NEMP1: variants seen among roughly 807,000 people sequenced by gnomAD.
The protein encoded by NEMP1 is transmembrane protein 194.
In NEMP1, 29 loss-of-function variants were observed where a neutral mutation model predicts 53.7. That is an observed-to-expected ratio of 0.54 (90% CI 0.40 to 0.74). The LOEUF (loss-of-function observed/expected upper bound fraction) is 0.74, where lower values mean the gene tolerates loss of function less well. Among genes scored for constraint, NEMP1 ranks in the 30% least tolerant of loss-of-function variants. NEMP1 has a pLI of 0.00. For synonymous variants in NEMP1, 193 were observed against 192.9 expected, an observed-to-expected ratio of 1.00 and a Z score of 0.00; for missense variants, 477 against 528.6, an observed-to-expected ratio of 0.90 and a Z score of 0.96.
Position 57,063,321 on chromosome 12 carries a change from T to C in NEMP1, c.778A>G (p.Met260Val). Residue 260 changes from methionine (M) to valine (V), a missense_variant, in exon 7 of 9, where the codon ATG becomes GTG. By Grantham distance (21) the Met-to-Val change is conservative. Coordinates refer to ENST00000300128, the MANE Select transcript of NEMP1 (RefSeq NM_001130963.2). ...LLSYVLTVGF[M>V]SFAVCYKYGP... is the part of the protein sequence containing the mutation. ...TACTTGTAACATACTGCAAAACTCATGAATCCAACTGTGAGGACATAACCT... is the reference window on the plus strand; with the variant it reads ...TACTTGTAACATACTGCAAAACTCACGAATCCAACTGTGAGGACATAACCT... 1 of 1,614,166 alleles carries C rather than the reference T, an allele frequency of 6.2e-7. No homozygotes were observed. The highest frequency in any genetic ancestry group is 8.5e-7 in the Non-Finnish European group (1 of 1,180,000).
At chr12:57,073,972 T>G (rs893125679) in intron 1 of NEMP1, among the ~76,000 whole-genome samples, 7 of 150,686 alleles carry the variant, frequency 4.6e-5, no homozygotes, top group Non-Finnish European at 1.0e-4. Flanking sequence ...TATTTTATTT[T>G]TTTATTTTTT....
chr12:57,084,154 G>A (rs2032927639), intron 1 of NEMP1, among the ~76,000 whole-genome samples: 1 of 152,176 alleles, frequency 6.6e-6, no homozygotes, highest in African/African-American at 2.4e-5. Flanking sequence ...GTAGAGACGG[G>A]GTTTCGCTAT....
rs2031510317 is a variant in NEMP1 at position 57,056,093 on chromosome 12, T to TCCAAAGC, written c.*3779_*3785dup. On this transcript the variant is annotated 3_prime_UTR_variant, in exon 9 of 9. Coordinates refer to ENST00000300128, the MANE Select transcript of NEMP1 (RefSeq NM_001130963.2). ...ACACACACGTGGGATGGTGTGGAAA[T>TCCAAAGC]CCAAAGCCCCACATTTTGGGAGTCT... 6.6e-6 allele frequency: 1 copy of TCCAAAGC among 152,180 alleles called. No homozygotes were observed. The highest frequency in any genetic ancestry group is 2.1e-4 in the South Asian group (1 of 4,830). 9.4% of individuals were successfully genotyped at this position (152,180 alleles called of 1,614,324 possible). A position where few individuals can be genotyped will look rare whatever the true frequency, so the allele number is the denominator to read the frequency against.
intron 1 of NEMP1, among the ~76,000 whole-genome samples, chr12:57,085,340 G>GGCCACT (rs1427939431): frequency 6.6e-6 from 1 of 151,962 alleles, no homozygotes; most frequent in African/African-American, 2.4e-5. Flanking sequence ...CCACCGCCCT[G>GGCCACT]GCCACTCCTG....
At chr12:57,065,092 A>AT (rs1028885893) in intron 4 of NEMP1, among the ~76,000 whole-genome samples, 16 of 152,100 alleles carry the variant, frequency 1.1e-4, no homozygotes, top group East Asian at 7.7e-4. Context: ...GTGAGTCATC[A>AT]TTTTTTTTGC....
At chr12:57,061,997 C>T (rs909636258) in intron 7 of NEMP1, among the ~76,000 whole-genome samples, 1 of 147,302 alleles carries the variant, frequency 6.8e-6, no homozygotes, top group Non-Finnish European at 1.5e-5. Context: ...GACTCCATCT[C>T]AAAAAAAAAA....
At chr12:57,077,225 G>C (rs1046576973) in intron 1 of NEMP1, among the ~76,000 whole-genome samples, 62 of 149,324 alleles carry the variant, frequency 4.2e-4, no homozygotes, top group Non-Finnish European at 3.9e-4. Context: ...CCAGCTACTC[G>C]GGAGGCTGAG....
At chr12:57,076,679 C>G (rs912557725) in intron 1 of NEMP1, among the ~76,000 whole-genome samples, 8 of 152,176 alleles carry the variant, frequency 5.3e-5, no homozygotes, top group Non-Finnish European at 1.0e-4. Flanking sequence ...TGGTGGCATG[C>G]GCCTATAATC....
At position 57,059,863 on chromosome 12, in the gene NEMP1, G is replaced by A. The variant is rs2031709841; in HGVS notation, c.*16C>T. On this transcript the variant is annotated 3_prime_UTR_variant, in exon 9 of 9. Transcript: ENST00000300128. The stretch of plus-strand genomic sequence containing the variant: ...AAGGCACCAAGCCAGTCCACGTAAA[G>A]ATAACTGACCACTACCTAGGTTAGA... 6.2e-7 allele frequency: 1 copy of A among 1,610,326 alleles called. No homozygotes were observed. The highest frequency in any genetic ancestry group is 8.5e-7 in the Non-Finnish European group (1 of 1,178,224).
At chr12:57,062,373 G>A (rs1227656961) in intron 7 of NEMP1, among the ~76,000 whole-genome samples, 2 of 151,986 alleles carry the variant, frequency 1.3e-5, no homozygotes, top group East Asian at 1.9e-4. Flanking sequence ...CCAACTATTC[G>A]GGAGGCTGAG....
chr12:57,078,581 G>GGCACT (rs767209443), intron 1 of NEMP1, 38 bp downstream of exon 1: 1 of 1,583,950 alleles, frequency 6.3e-7, no homozygotes, highest in Admixed American at 1.8e-5. Context: ...TAACCCCCTC[G>GGCACT]GCACCTGCCC....
At position 57,056,667 on chromosome 12, in the gene NEMP1, A is replaced by G. The variant is rs1300124773; in HGVS notation, c.*3212T>C. The stretch of plus-strand genomic sequence containing the variant: ...TTTACGTAGGCATCCATCTGAGCCC[A>G]TCTTGTTTTTTTTTTCTAAAACAAC... On this transcript the variant is annotated 3_prime_UTR_variant, in exon 9 of 9. Coordinates refer to ENST00000300128, the MANE Select transcript of NEMP1 (RefSeq NM_001130963.2). 1 of 151,876 alleles carries G rather than the reference A, an allele frequency of 6.6e-6. No individual in the cohort carries two copies. The highest frequency in any genetic ancestry group is 1.5e-5 in the Non-Finnish European group (1 of 67,954). The allele number at this position is 151,876 out of a possible 1,614,324, so 9.4% of individuals were successfully genotyped here. A position where few individuals can be genotyped will look rare whatever the true frequency, so the allele number is the denominator to read the frequency against.
rs549413707 is a variant in NEMP1 at position 57,067,539 on chromosome 12, T to C, written c.545+1695A>G. On this transcript the variant is annotated intron_variant, in intron 4 of 8. Transcript: ENST00000300128. ...GGGAAAACGGTGTGATAGATTTGCT[T>C]GACCCAGGGTTGCCACGAACCTTCA... is the stretch of plus-strand genomic sequence containing the variant. Among the ~76,000 whole-genome samples, 263 of 152,296 alleles carry C rather than the reference T, an allele frequency of 1.7e-3. 1 individual carries two copies. The highest frequency in any genetic ancestry group is 6.1e-3 in the African/African-American group (253 of 41,564).
chr12:57,062,834 A>T (rs750997800), intron 7 of NEMP1, among the ~76,000 whole-genome samples: 19 of 152,080 alleles, frequency 1.2e-4, no homozygotes, highest in Non-Finnish European at 2.4e-4. Context: ...ACAGAGCGAG[A>T]CTCCATCTCA....
In NEMP1 at chr12:57,059,577, G is replaced by T; in HGVS notation, c.*302C>A. ...CATGATTGAATCAACTTTCAAGAAG[G>T]AGCTAGAATGCCATGCTAGCTGTGG... On this transcript the variant is annotated 3_prime_UTR_variant, in exon 9 of 9. Transcript: ENST00000300128. The T allele has an allele frequency of 4.2e-6, 1 of 240,368 alleles. No homozygotes were observed. Among genetic ancestry groups the T allele is most frequent in the Non-Finnish European group, 8.1e-6 (1 of 123,466 alleles). The allele number at this position is 240,368 out of a possible 1,614,324, so 14.9% of individuals were successfully genotyped here. A position where few individuals can be genotyped will look rare whatever the true frequency, so the allele number is the denominator to read the frequency against.
intron 1 of NEMP1, among the ~76,000 whole-genome samples, chr12:57,076,244 A>G (rs1469604226): frequency 1.3e-5 from 2 of 152,194 alleles, no homozygotes; most frequent in Admixed American, 6.5e-5. Context: ...AATGATTTTT[A>G]CCAGGCAGAT....
intron 1 of NEMP1, 149 bp downstream of exon 1, chr12:57,078,470 C>T: frequency 8.5e-7 from 1 of 1,174,738 alleles, no homozygotes; most frequent in African/African-American, 1.5e-5. Flanking sequence ...CACTAGCCTG[C>T]CAAGTTTCTT....
In NEMP1 at chr12:57,056,466, G is replaced by A. The variant is rs1260773046; in HGVS notation, c.*3413C>T. 2.0e-5 allele frequency: 3 copies of A among 152,180 alleles called. No individual in the cohort carries two copies. Among genetic ancestry groups the A allele is most frequent in the African/African-American group, 7.2e-5 (3 of 41,444 alleles). The allele number at this position is 152,180 out of a possible 1,614,324, so 9.4% of individuals were successfully genotyped here. A position where few individuals can be genotyped will look rare whatever the true frequency, so the allele number is the denominator to read the frequency against. ...TATGTAATATGAAGGCATGATAAATGTGTCAAACTGTTCTCTTGTTTCAGA... is the reference window on the plus strand; with the variant it reads ...TATGTAATATGAAGGCATGATAAATATGTCAAACTGTTCTCTTGTTTCAGA... On this transcript the variant is annotated 3_prime_UTR_variant, in exon 9 of 9. Transcript: ENST00000300128.
At chr12:57,082,292 A>G (rs999090447), upstream of NEMP1, among the ~76,000 whole-genome samples, 1 of 152,246 alleles carries the variant, frequency 6.6e-6, no homozygotes, top group African/African-American at 2.4e-5. Flanking sequence ...ATAATGTTTC[A>G]ATACTGTTTC....
Sources: gnomAD v4.1 joint callset for allele counts (sites outside exome capture counted in the v4.1 genomes callset) on GRCh38, gnomAD v4.1.1 for gene constraint, MANE v1.5 for transcripts, NCBI Gene and HGNC (gene_info 2026-07-23, HGNC 2026-07-21) for gene names.